The following ATRN variants were observed in gnomAD, a reference collection of about 807,000 sequenced individuals.
ATRN encodes the protein attractin-2.
Under a neutral mutation model 178.7 loss-of-function variants are expected in ATRN, and 54 were observed. The ratio of observed to expected loss-of-function variants is 0.30; its 90% confidence interval spans 0.24 to 0.38. ATRN has a LOEUF of 0.38. ATRN is among the 10% of genes least tolerant of loss of function. The pLI is 1.00. For missense variants in ATRN, 1,443 were observed against 1,815.1 expected (o/e 0.79, Z 3.73); for synonymous variants, 636 against 663.0 (o/e 0.96, Z 0.63).
intron 1 of ATRN, among the ~76,000 whole-genome samples, chr20:3,514,556 G>T (rs2085180723): frequency 6.6e-6 from 1 of 152,184 alleles, no homozygotes. Context: ...TTGAAAATCA[G>T]TATCATTCGC....
chr20:3,523,847 AT>A (rs1347926460), intron 1 of ATRN, among the ~76,000 whole-genome samples: 1 of 152,184 alleles, frequency 6.6e-6, no homozygotes, highest in Non-Finnish European at 1.5e-5. Flanking sequence ...AAATAAAATT[AT>A]TTACAGACAA....
At chr20:3,518,890 A>G (rs1414510729) in intron 1 of ATRN, among the ~76,000 whole-genome samples, 2 of 151,728 alleles carry the variant, frequency 1.3e-5, no homozygotes, top group African/African-American at 2.4e-5. Context: ...TAGACTGCTT[A>G]GCATTTTGTT....
chr20:3,587,278 A>G (rs2086371077), intron 18 of ATRN, among the ~76,000 whole-genome samples: 1 of 152,012 alleles, frequency 6.6e-6, no homozygotes, highest in Admixed American at 6.6e-5. Context: ...GCTTTTTGGT[A>G]TTGTATCTAG....
intron 1 of ATRN, among the ~76,000 whole-genome samples, chr20:3,481,505 G>C (rs1383259090): frequency 6.6e-6 from 1 of 151,928 alleles, no homozygotes; most frequent in Non-Finnish European, 1.5e-5. Context: ...GCACCACCAT[G>C]CCTGGCTAAT....
At chr20:3,546,829 G>A (rs2085710304) in intron 4 of ATRN, among the ~76,000 whole-genome samples, 1 of 152,188 alleles carries the variant, frequency 6.6e-6, no homozygotes, top group Non-Finnish European at 1.5e-5. Flanking sequence ...TTCAGAGAGT[G>A]TACAGAGGAA....
At position 3,584,768 on chromosome 20, in the gene ATRN, A is replaced by C. The variant is rs199801071; in HGVS notation, c.3072A>C (p.Pro1024=). 1 of 1,614,202 alleles carries C rather than the reference A, an allele frequency of 6.2e-7. No individual in the cohort carries two copies. Among genetic ancestry groups the C allele is most frequent in the East Asian group, 2.2e-5 (1 of 44,882 alleles). The change falls in exon 18 of 29, where the codon CCA becomes CCC. Residue 1024 remains proline (P), a synonymous_variant. Transcript: ENST00000262919. ...GKCIEGSYKG[P]VKMPSQAPTG... ...GCATAGAGGGTTCCTATAAAGGACC[A>C]GTGAAGATGCCTTCGCAAGCCCCTA...
chr20:3,471,540 G>T, intron 1 of ATRN, 23 bp downstream of exon 1: 1 of 1,379,392 alleles, frequency 7.2e-7, no homozygotes, highest in African/African-American at 1.5e-5. Context: ...TGGTGTCGGA[G>T]GGTCGGGTCC....
intron 10 of ATRN, among the ~76,000 whole-genome samples, chr20:3,564,026 A>C (rs917210499): frequency 6.6e-6 from 1 of 152,208 alleles, no homozygotes; most frequent in African/African-American, 2.4e-5. Context: ...TTAAACAATA[A>C]TGTCCCATTT....
chr20:3,601,639 G>T (rs1171006342), intron 23 of ATRN, among the ~76,000 whole-genome samples: 1 of 149,908 alleles, frequency 6.7e-6, no homozygotes, highest in Admixed American at 6.7e-5. Flanking sequence ...GAGGCAGGAG[G>T]ATTGCTTGAG....
intron 6 of ATRN, among the ~76,000 whole-genome samples, chr20:3,556,889 G>A (rs1056315697): frequency 3.9e-5 from 6 of 152,172 alleles, no homozygotes; most frequent in African/African-American, 9.7e-5. Context: ...CAGCACCTAT[G>A]TGTCTCTGAC....
rs1348782305 is a variant in ATRN, at chr20:3,649,254, G to GC, written c.*2409dup. 6.6e-6 allele frequency: 1 copy of GC among 152,588 alleles called. No individual in the cohort carries two copies. The highest frequency in any genetic ancestry group is 2.4e-5 in the African/African-American group (1 of 41,412). The allele number at this position is 152,588 out of a possible 1,614,324, so 9.5% of individuals were successfully genotyped here. On this transcript the variant is annotated 3_prime_UTR_variant, in exon 29 of 29. Coordinates refer to ENST00000262919, the MANE Select transcript of ATRN (RefSeq NM_139321.3). ...TGGCAGTGTTGCGCGTCACAAGAGA[G>GC]CCTGTATATAAATTAAAATAGTCAA...
intron 18 of ATRN, among the ~76,000 whole-genome samples, chr20:3,589,500 T>TA (rs2086408820): frequency 6.6e-6 from 1 of 152,206 alleles, no homozygotes; most frequent in Non-Finnish European, 1.5e-5. Context: ...TTGAATGTAC[T>TA]AAAATTCGTA....
rs1331991564 is a variant in ATRN, at chr20:3,540,296, A to G, written c.569A>G (p.Asp190Gly). The G allele has an allele frequency of 4.1e-5, 66 of 1,610,858 alleles. No individual in the cohort carries two copies. The highest frequency in any genetic ancestry group is 5.1e-5 in the Non-Finnish European group (60 of 1,178,380). Reference sequence around the variant, plus strand: ...AGTTGGGACCATTTATATGTTTATGATGGGGACTCAATTTATGCACCGCTA... The same window carrying G: ...AGTTGGGACCATTTATATGTTTATGGTGGGGACTCAATTTATGCACCGCTA... The part of the protein sequence containing the change: ...ECSWDHLYVY[D>G]GDSIYAPLVA... The change falls in exon 3 of 29, where the codon GAT becomes GGT. Residue 190 changes from aspartate (D) to glycine (G), a missense_variant. Physicochemically the swap from Asp to Gly is moderately conservative, Grantham distance 94. Around this residue, in one of 4 missense-constraint regions of ATRN, gnomAD observed 862 missense variants for 972.1 expected, o/e 0.89. Transcript: ENST00000262919.
At chr20:3,529,518 A>G (rs2085421041) in intron 1 of ATRN, among the ~76,000 whole-genome samples, 1 of 152,230 alleles carries the variant, frequency 6.6e-6, no homozygotes, top group Non-Finnish European at 1.5e-5. Context: ...CTATTGATAC[A>G]ATACTTAGAA....
intron 1 of ATRN, among the ~76,000 whole-genome samples, chr20:3,512,902 T>C (rs2146131678): frequency 6.6e-6 from 1 of 152,352 alleles, no homozygotes; most frequent in East Asian, 1.9e-4. Flanking sequence ...TGCATAAATG[T>C]CTTCTTTTGA....
chr20:3,489,518 A>G (rs1467456106), intron 1 of ATRN: 7 of 1,372,050 alleles, frequency 5.1e-6, no homozygotes, highest in South Asian at 1.2e-5. Flanking sequence ...GCTGAGCTAC[A>G]TCCCTGAGCA....
chr20:3,584,873 C>G lies in ATRN; in HGVS notation c.3177C>G (p.His1059Gln), dbSNP rs774118992. 6.2e-7 allele frequency: 1 copy of G among 1,613,816 alleles called. No homozygotes were observed. Among genetic ancestry groups the G allele is most frequent in the East Asian group, 2.2e-5 (1 of 44,900 alleles). The change falls in exon 18 of 29, where the codon CAC (histidine) becomes CAG (glutamine). Residue 1059 changes from histidine to glutamine, a missense_variant. Physicochemically the swap from His to Gln is conservative, Grantham distance 24. This residue lies in a region of ATRN where 80 missense variants were observed against 71.5 expected (regional missense o/e 1.12). Coordinates refer to ENST00000262919, the MANE Select transcript of ATRN (RefSeq NM_139321.3). ...EDSRYNWSFIHCPACQCNGHS... is the reference protein window; with the variant it reads ...EDSRYNWSFIQCPACQCNGHS... ...GCAGATACAACTGGTCTTTCATTCA[C>G]TGTCCAGGTAAGATGCCTTGCATAT... is the stretch of plus-strand genomic sequence containing the variant.
chr20:3,514,010 T>C lies in ATRN; in HGVS notation c.411-21243T>C, dbSNP rs369431584. The stretch of plus-strand genomic sequence containing the variant: ...GATTTTGGGCTGAGACGATGGGGTT[T>C]TCTAGATATACAATCATGTCATCTG... On this transcript the variant is annotated intron_variant, in intron 1 of 28. Coordinates refer to ENST00000262919, the MANE Select transcript of ATRN (RefSeq NM_139321.3). 9.8e-5 allele frequency among the ~76,000 whole-genome samples: 15 copies of C among 152,326 alleles called. No individual in the cohort carries two copies. The East Asian group carries it at 1.9e-3, about 20-fold the overall frequency.
chr20:3,532,403 G>C (rs888003923), intron 1 of ATRN, among the ~76,000 whole-genome samples: 3 of 152,160 alleles, frequency 2.0e-5, no homozygotes, highest in African/African-American at 7.2e-5. Context: ...GTTTTTCAGG[G>C]ACTTTGCATT....
Sources: allele counts gnomAD v4.1 joint callset (sites outside exome capture counted in the v4.1 genomes callset), GRCh38; gene constraint gnomAD v4.1.1; regional missense constraint gnomAD v4.1.1; transcripts MANE v1.5; gene names NCBI Gene and HGNC (gene_info 2026-07-23, HGNC 2026-07-21).